Variants in EVC observed in about 807,000 individuals in gnomAD.
EVC encodes the protein EvC ciliary complex subunit 1, also known as evC complex member EVC.
EVC carries 116 observed loss-of-function variants against 118.9 expected under a neutral mutation model. That is an observed-to-expected ratio of 0.98 (90% confidence interval 0.84 to 1.14). The LOEUF (loss-of-function observed/expected upper bound fraction) is 1.14. Ranked by LOEUF, EVC falls within the 50% of genes most tolerant of loss-of-function variation. EVC has a pLI of 0.00. For synonymous variants in EVC, 619 were observed against 534.7 expected (o/e 1.16, Z -2.18); for missense variants, 1,401 against 1,246.4 (o/e 1.12, Z -1.87).
intron 5 of EVC, among the ~76,000 whole-genome samples, chr4:5,736,248 G>A (rs1014594191): frequency 1.3e-5 from 2 of 152,062 alleles, no homozygotes; most frequent in African/African-American, 4.8e-5. Context: ...GCACTTACGT[G>A]AATCTATACA....
rs1264510675 is a variant in EVC at position 5,808,215 on chromosome 4, A to G, written c.2576A>G (p.Gln859Arg). The change falls in exon 18 of 21, where the codon CAG (glutamine) becomes CGG (arginine). Residue 859 changes from glutamine to arginine, a missense_variant. Transcript: ENST00000264956. ...QAVHQRMLSQ[Q>R]KRFLAQFPVH... Reference sequence around the variant, plus strand: ...CCTCCCCCCAGGATGCTGTCCCAGCAGAAGAGGTTCCTGGCCCAGTTCCCA... The same window carrying G: ...CCTCCCCCCAGGATGCTGTCCCAGCGGAAGAGGTTCCTGGCCCAGTTCCCA... 7.1e-7 allele frequency: 1 copy of G among 1,416,870 alleles called. No homozygotes were observed. Among genetic ancestry groups the G allele is most frequent in the Non-Finnish European group, 9.4e-7 (1 of 1,062,866 alleles). The allele number at this position is 1,416,870 out of a possible 1,614,324, so 87.8% of individuals were successfully genotyped here.
chr4:5,804,963 GC>G (rs1161759001), intron 17 of EVC, 122 bp downstream of exon 17: 26 of 852,598 alleles, frequency 3.0e-5, no homozygotes, highest in Non-Finnish European at 5.0e-5. Context: ...GGGGCCATCG[GC>G]CTTCCTCACC....
chr4:5,793,847 G>A (rs1713256613), intron 13 of EVC, 130 bp downstream of exon 13: 6 of 737,954 alleles, frequency 8.1e-6, no homozygotes, highest in Non-Finnish European at 1.5e-5. Flanking sequence ...ATGACTTAAC[G>A]TTTCTTAGCC....
the EVC span, chr4:5,825,399 T>C: frequency 6.7e-7 from 1 of 1,486,912 alleles, no homozygotes; most frequent in Non-Finnish European, 8.9e-7. The surrounding 1 kb of genome is among the most constrained non-coding windows in gnomAD (Gnocchi z 4.4). Flanking sequence ...TCATCTAGTG[T>C]CCAAGGCCAC....
chr4:5,738,969 G>T lies in EVC; in HGVS notation c.703-2747G>T, dbSNP rs1728115351. Among the ~76,000 whole-genome samples, 1 of 152,086 alleles carries T rather than the reference G, an allele frequency of 6.6e-6. No individual in the cohort carries two copies. Among genetic ancestry groups the T allele is most frequent in the Non-Finnish European group, 1.5e-5 (1 of 68,024 alleles). Reference sequence around the variant, plus strand: ...AGGTATGTACTTTTTTAGACATACTGCTATTGTACACTTAGACTACAGTAT... The same window carrying T: ...AGGTATGTACTTTTTTAGACATACTTCTATTGTACACTTAGACTACAGTAT... On this transcript the variant is annotated intron_variant, in intron 5 of 20. Coordinates refer to ENST00000264956, the MANE Select transcript of EVC (RefSeq NM_153717.3). The surrounding 1 kb of genome is among the most constrained non-coding windows in gnomAD (Gnocchi z 6.5).
At chr4:5,796,254 TTC>T (rs1275788101) in intron 13 of EVC, among the ~76,000 whole-genome samples, 1 of 152,218 alleles carries the variant, frequency 6.6e-6, no homozygotes, top group African/African-American at 2.4e-5. Flanking sequence ...TGTCTGACGA[TTC>T]TGTTTTCTGA....
At chr4:5,734,460 C>G (rs1727349022) in intron 5 of EVC, among the ~76,000 whole-genome samples, 2 of 151,936 alleles carry the variant, frequency 1.3e-5, no homozygotes, top group African/African-American at 2.4e-5. Flanking sequence ...GGCAACATGG[C>G]AAAACCCTAT....
Position 5,742,139 on chromosome 4 carries a change from C to T in EVC, c.801+325C>T, listed in dbSNP as rs1457284453. Reference sequence around the variant, plus strand: ...TTATTGGTTATAGCTATGTATACTACTTTGTATTCTATTCTCAGTCTTTTA... The same window carrying T: ...TTATTGGTTATAGCTATGTATACTATTTTGTATTCTATTCTCAGTCTTTTA... On this transcript the variant is annotated intron_variant, in intron 6 of 20. Transcript: ENST00000264956. The surrounding 1 kb of genome is among the most constrained non-coding windows in gnomAD (Gnocchi z 5.2). 6.6e-6 allele frequency among the ~76,000 whole-genome samples: 1 copy of T among 152,028 alleles called. No individual in the cohort carries two copies. Among genetic ancestry groups the T allele is most frequent in the Non-Finnish European group, 1.5e-5 (1 of 68,012 alleles).
Position 5,802,106 on chromosome 4 carries a change from C to G in EVC, c.2449+12C>G, listed in dbSNP as rs751678723. ...GAAGACCCTGCAGGGTACGGGACCC[C>G]CCCTCAGGGAAGCCCCAGAAGAGAC... On this transcript the variant is annotated intron_variant, in intron 16 of 20. Transcript: ENST00000264956. 1,338 of 1,614,150 alleles carry G rather than the reference C, an allele frequency of 8.3e-4. No homozygotes were observed. Among genetic ancestry groups the G allele is most frequent in the Non-Finnish European group, 1.0e-3 (1,193 of 1,180,002 alleles).
At chr4:5,750,767 G>A (rs1026858582) in intron 8 of EVC, among the ~76,000 whole-genome samples, 3 of 152,126 alleles carry the variant, frequency 2.0e-5, no homozygotes, top group African/African-American at 7.2e-5. Flanking sequence ...GTCAGCAGGA[G>A]AAATAGACAG....
chr4:5,824,112 A>C, the EVC span, among the ~76,000 whole-genome samples: 24 of 152,302 alleles, frequency 1.6e-4, no homozygotes, highest in African/African-American at 5.8e-4. Flanking sequence ...TTCTAAGAAC[A>C]ACGGGGAGGA....
rs1714376095 is a variant in EVC, at chr4:5,798,463, C to T, written c.2098-123C>T. 1 of 980,542 alleles carries T rather than the reference C, an allele frequency of 1.0e-6. No homozygotes were observed. The highest frequency in any genetic ancestry group is 1.6e-5 in the African/African-American group (1 of 62,520). The allele number at this position is 980,542 out of a possible 1,614,324, so 60.7% of individuals were successfully genotyped here. A position where few individuals can be genotyped will look rare whatever the true frequency, so the allele number is the denominator to read the frequency against. On this transcript the variant is annotated intron_variant, in intron 14 of 20. Transcript: ENST00000264956. The surrounding 1 kb of genome is among the most constrained non-coding windows in gnomAD (Gnocchi z 4.1). ...AAGCCCAGAGGCCACCTCTTTCTGC[C>T]CTTTCTCCATCCCTTTTCCAACCCC... is the stretch of plus-strand genomic sequence containing the variant.
chr4:5,745,063 C>T, intron 6 of EVC, 141 bp from the exon 7 acceptor site: 1 of 744,126 alleles, frequency 1.3e-6, no homozygotes, highest in East Asian at 3.1e-5. Context: ...ACCTCATGTA[C>T]AACAACCCCC....
chr4:5,768,127 G>A (rs1390702379), intron 11 of EVC, among the ~76,000 whole-genome samples: 2 of 152,126 alleles, frequency 1.3e-5, no homozygotes, highest in African/African-American at 4.8e-5. Flanking sequence ...AAGCTGGGGA[G>A]GAAGGTAGGG....
chr4:5,827,417 G>A, the EVC span, among the ~76,000 whole-genome samples: 1 of 152,168 alleles, frequency 6.6e-6, no homozygotes, highest in Non-Finnish European at 1.5e-5. Context: ...TCTTTGACCT[G>A]GTGCTACACC....
At position 5,719,192 on chromosome 4, in the gene EVC, ACTGAC is replaced by A; in HGVS notation, c.175-53_175-49del. 1.9e-6 allele frequency: 3 copies of A among 1,612,738 alleles called. No individual in the cohort carries two copies. In the Admixed American group the frequency reaches 5.0e-5, roughly 27 times the overall value. On this transcript the variant is annotated intron_variant, in intron 1 of 20. Transcript: ENST00000264956. This position sits in a 1 kb window ranked among gnomAD's most constrained non-coding sequence, Gnocchi z 4.7. ...AAAAGTCACGGTGGGGACCAGGCCGACTGACCTCAATGTTGTGTTTCTATCCACCC... is the reference window on the plus strand; with the variant it reads ...AAAAGTCACGGTGGGGACCAGGCCGACTCAATGTTGTGTTTCTATCCACCC...
At chr4:5,770,608 G>C (rs1037661849) in intron 11 of EVC, among the ~76,000 whole-genome samples, 2 of 152,188 alleles carry the variant, frequency 1.3e-5, no homozygotes, top group African/African-American at 2.4e-5. Flanking sequence ...CTTGATGGAA[G>C]GGTTGAGGCT....
chr4:5,798,440 G>A lies in EVC; in HGVS notation c.2098-146G>A. 2.5e-6 allele frequency: 2 copies of A among 813,256 alleles called. No individual in the cohort carries two copies. Among genetic ancestry groups the A allele is most frequent in the Non-Finnish European group, 4.1e-6 (2 of 484,494 alleles). The allele number at this position is 813,256 out of a possible 1,614,324, so 50.4% of individuals were successfully genotyped here. ...TAACCTCATCCATTGATTTTTGCAAGCCCAGAGGCCACCTCTTTCTGCCCT... is the reference window on the plus strand; with the variant it reads ...TAACCTCATCCATTGATTTTTGCAAACCCAGAGGCCACCTCTTTCTGCCCT... On this transcript the variant is annotated intron_variant, in intron 14 of 20. Transcript: ENST00000264956. This position sits in a 1 kb window ranked among gnomAD's most constrained non-coding sequence, Gnocchi z 4.1.
At chr4:5,825,321 C>T in the EVC span, 1 of 985,258 alleles carries the variant, frequency 1.0e-6, no homozygotes, top group Non-Finnish European at 1.2e-6. This position sits in a 1 kb window ranked among gnomAD's most constrained non-coding sequence, Gnocchi z 4.4. Context: ...GCTTGGTGAC[C>T]ATGCCAGCCC....
Sources: allele counts gnomAD v4.1 joint callset (sites outside exome capture counted in the v4.1 genomes callset), GRCh38; gene constraint gnomAD v4.1.1; non-coding constraint Gnocchi (gnomAD v3.1); transcripts MANE v1.5; gene names NCBI Gene and HGNC (gene_info 2026-07-23, HGNC 2026-07-21).